FAT1: variants seen among roughly 807,000 people sequenced by gnomAD.
The protein encoded by FAT1 is FAT atypical cadherin 1.
Under a neutral mutation model 329.8 loss-of-function variants are expected in FAT1, and 171 were observed. The observed-to-expected ratio is 0.52, with a 90% CI of 0.46 to 0.59. The LOEUF is 0.59. Ranked by LOEUF, FAT1 falls within the 20% of genes least tolerant of loss-of-function variation. FAT1 has a pLI of 0.00. For missense variants in FAT1, 5,672 were observed against 5,774.4 expected, an observed-to-expected ratio of 0.98 and a Z score of 0.57; for synonymous variants, 2,233 against 2,228.6, an observed-to-expected ratio of 1.00 and a Z score of -0.06.
intron 26 of FAT1, among the ~76,000 whole-genome samples, chr4:186,593,601 C>T (rs935344865): frequency 6.6e-6 from 1 of 152,144 alleles, no homozygotes; most frequent in African/African-American, 2.4e-5. Context: ...TTCCCAGTTA[C>T]GGCTGGGGGG....
intron 14 of FAT1, 73 bp downstream of exon 14, chr4:186,611,313 A>C (rs544039697): frequency 9.0e-5 from 127 of 1,405,072 alleles, no homozygotes; most frequent in Middle Eastern, 2.2e-4. Flanking sequence ...ACTTAATACA[A>C]GGCAACGTGG....
chr4:186,588,740 T>C lies in FAT1; in HGVS notation c.13619A>G (p.Tyr4540Cys), dbSNP rs1056427147. 27 of 1,613,896 alleles carry C rather than the reference T, an allele frequency of 1.7e-5. No homozygotes were observed. Among genetic ancestry groups the C allele is most frequent in the Non-Finnish European group, 2.1e-5 (25 of 1,179,866 alleles). ...PAVESMPMSV[Y>C]ASTASCSDVS... ...GTCAGAGCAGGAGGCGGTGGAGGCG[T>C]ACACAGACATGGGCATGCTCTCGAC... The change falls in exon 27 of 27, where the codon TAC (tyrosine) becomes TGC (cysteine). Residue 4540 changes from tyrosine to cysteine, a missense_variant. Physicochemically the swap from Tyr to Cys is radical, Grantham distance 194. This residue lies in a region of FAT1 where 1,706 missense variants were observed against 1,859.1 expected (regional missense o/e 0.92). Coordinates refer to ENST00000441802, the MANE Select transcript of FAT1 (RefSeq NM_005245.4).
intron 2 of FAT1, among the ~76,000 whole-genome samples, chr4:186,669,487 G>A (rs1375813972): frequency 6.6e-6 from 1 of 152,332 alleles, no homozygotes; most frequent in Admixed American, 6.5e-5. Context: ...ATTACGGAAG[G>A]AATGAAAGCC....
chr4:186,722,659 C>T (rs1745514319), intron 1 of FAT1, among the ~76,000 whole-genome samples: 1 of 152,212 alleles, frequency 6.6e-6, no homozygotes, highest in South Asian at 2.1e-4. Context: ...TGAAAAACAT[C>T]ACCATTACCT....
In FAT1 at chr4:186,603,564, T is replaced by C. The variant is rs932063295; in HGVS notation, c.10962A>G (p.Glu3654=). 15 of 1,613,862 alleles carry C rather than the reference T, an allele frequency of 9.3e-6. No homozygotes were observed. In the African/African-American group the frequency reaches 1.5e-4, roughly 16 times the overall value. ...AGTTGCGCCAGTAGTCACCAACGAA[T>C]TCTTCCGGAGTGAGGTTGGCAAAGC... ...AIRFANLTPE[E]FVGDYWRNFQ... is the part of the protein sequence containing the mutation. The change falls in exon 19 of 27, where the codon GAA becomes GAG. Residue 3654 remains glutamate, a synonymous_variant. Transcript: ENST00000441802.
In FAT1 at chr4:186,636,808, TAGA is replaced by T; in HGVS notation, c.3746_3748del (p.Phe1249del). On this transcript the variant is annotated inframe_deletion, in exon 5 of 27. Coordinates refer to ENST00000441802, the MANE Select transcript of FAT1 (RefSeq NM_005245.4). ...TTCCCGCTCAGGGAGTCTGATTTTG[TAGA>T]ACTTTTGCAGAAACTGAGGTTTGTT... 6.2e-7 allele frequency: 1 copy of T among 1,614,016 alleles called. No homozygotes were observed. The highest frequency in any genetic ancestry group is 8.5e-7 in the Non-Finnish European group (1 of 1,179,888).
chr4:186,708,091 G>A lies in FAT1; in HGVS notation c.1737C>T (p.Pro579=), dbSNP rs774960622. ...TTTGCTCTCCCACGCCTAGATCTCTGGGAATTGTCCCTTCACAATTTATTT... is the reference window on the plus strand; with the variant it reads ...TTTGCTCTCCCACGCCTAGATCTCTAGGAATTGTCCCTTCACAATTTATTT... ...FEKINCEGTI[P]RDLGVGEQIT... Residue 579 remains proline (P), a synonymous_variant, in exon 2 of 27, where the codon CCC becomes CCT. Transcript: ENST00000441802. 6.1e-5 allele frequency: 98 copies of A among 1,613,786 alleles called. No homozygotes were observed. The South Asian group carries it at 1.0e-3, about 17-fold the overall frequency.
intron 3 of FAT1, among the ~76,000 whole-genome samples, chr4:186,651,042 A>ACTATTATTAAATAATTTAT (rs70964974): frequency 0.65 from 95,274 of 147,204 alleles, 31,211 homozygotes; most frequent in East Asian, 0.95. Flanking sequence ...TAATTTATTT[A>ACTATTATTAAATAATTTAT]CTATTATTAA....
chr4:186,707,809 C>T lies in FAT1; in HGVS notation c.2019G>A (p.Gln673=), dbSNP rs1261439243. The T allele has an allele frequency of 3.7e-6, 6 of 1,613,626 alleles. No individual in the cohort carries two copies. Among genetic ancestry groups the T allele is most frequent in the African/African-American group, 1.3e-5 (1 of 74,916 alleles). ...VAASHKLVNL[Q]CEETGVAKML... The stretch of plus-strand genomic sequence containing the variant: ...TTTTGGCAACACCAGTCTCTTCACA[C>T]TGCAAGTTTACCAGCTTGTGACTGG... The change falls in exon 2 of 27, where the codon CAG becomes CAA. Residue 673 remains glutamine (Q), a synonymous_variant. Coordinates refer to ENST00000441802, the MANE Select transcript of FAT1 (RefSeq NM_005245.4).
rs2126508099 is a variant in FAT1, at chr4:186,619,685, A to T, written c.6901T>A (p.Ser2301Thr). 1 of 1,614,012 alleles carries T rather than the reference A, an allele frequency of 6.2e-7. No individual in the cohort carries two copies. Among genetic ancestry groups the T allele is most frequent in the Non-Finnish European group, 8.5e-7 (1 of 1,179,894 alleles). The change falls in exon 10 of 27, where the codon TCT (serine) becomes ACT (threonine). Residue 2301 changes from serine to threonine, a missense_variant. Around this residue, in one of 2 missense-constraint regions of FAT1, gnomAD observed 3,966 missense variants for 3,915.2 expected, o/e 1.01. Coordinates refer to ENST00000441802, the MANE Select transcript of FAT1 (RefSeq NM_005245.4). The part of the protein sequence containing the change: ...TLSEASVIGT[S>T]VVQVRATDSD... The stretch of plus-strand genomic sequence containing the variant: ...TCGGTGGCTCTAACTTGAACAACAG[A>T]CGTTCCAATTACAGATGCCTCAGAC...
Position 186,603,900 on chromosome 4 carries a change from C to T in FAT1, c.10626G>A (p.Pro3542=), listed in dbSNP as rs773450673. ...DIRVIEESIY[P]PAILPLEIFI... The stretch of plus-strand genomic sequence containing the variant: ...AAATCTCCAGGGGCAAAATCGCAGG[C>T]GGATAGATGCTCTCCTCAATTACCC... Residue 3542 remains proline (P), a synonymous_variant, in exon 19 of 27, where the codon CCG becomes CCA. Coordinates refer to ENST00000441802, the MANE Select transcript of FAT1 (RefSeq NM_005245.4). 1.2e-4 allele frequency: 187 copies of T among 1,613,716 alleles called. No homozygotes were observed. Among genetic ancestry groups the T allele is most frequent in the East Asian group, 2.0e-4 (9 of 44,892 alleles).
intron 3 of FAT1, among the ~76,000 whole-genome samples, chr4:186,649,892 C>T (rs895165241): frequency 6.6e-6 from 1 of 152,130 alleles, no homozygotes; most frequent in African/African-American, 2.4e-5. Flanking sequence ...CATACTAATA[C>T]ACCTTTTTAT....
intron 3 of FAT1, among the ~76,000 whole-genome samples, chr4:186,657,361 C>T (rs941540706): frequency 1.3e-5 from 2 of 152,072 alleles, no homozygotes; most frequent in African/African-American, 2.4e-5. Flanking sequence ...AATAAACATG[C>T]GAAGTATAAG....
intron 1 of FAT1, among the ~76,000 whole-genome samples, chr4:186,711,875 G>A (rs911548966): frequency 3.9e-5 from 6 of 152,120 alleles, no homozygotes; most frequent in African/African-American, 9.7e-5. Flanking sequence ...AGCCGAGATC[G>A]CGCCACTGCA....
chr4:186,645,694 C>T (rs1741339702), intron 3 of FAT1, among the ~76,000 whole-genome samples: 1 of 151,148 alleles, frequency 6.6e-6, no homozygotes, highest in Admixed American at 6.6e-5. Context: ...TGGCATAATC[C>T]CAGCACTCTG....
Position 186,619,952 on chromosome 4 carries a change from G to A in FAT1, c.6634C>T (p.Leu2212=), listed in dbSNP as rs2126510801. ...TCTGTGATGCTGTAGAACACTTTCA[G>A]GCCTTCCGGGCTGTTAGCCTGCACG... ...VHVQANSPEG[L]KVFYSITDGD... The change falls in exon 10 of 27, where the codon CTG becomes TTG. Residue 2212 remains leucine, a synonymous_variant. Transcript: ENST00000441802. The A allele has an allele frequency of 6.2e-7, 1 of 1,613,988 alleles. No individual in the cohort carries two copies. The highest frequency in any genetic ancestry group is 8.5e-7 in the Non-Finnish European group (1 of 1,179,894).
At chr4:186,604,053 AC>A in intron 18 of FAT1, 76 bp from the exon 19 acceptor site, 1 of 1,187,910 alleles carries the variant, frequency 8.4e-7, no homozygotes, top group Non-Finnish European at 1.2e-6. Flanking sequence ...CATTTGTATT[AC>A]TCAAGTTCCC....
chr4:186,692,406 G>A (rs566924469), intron 2 of FAT1, among the ~76,000 whole-genome samples: 36 of 152,140 alleles, frequency 2.4e-4, no homozygotes, highest in Non-Finnish European at 7.4e-5. Flanking sequence ...TCCGCCTCCC[G>A]GGTTCACGCC....
At chr4:186,632,224 A>T (rs1241500798) in intron 7 of FAT1, among the ~76,000 whole-genome samples, 2 of 152,224 alleles carry the variant, frequency 1.3e-5, no homozygotes. Context: ...CTAATTAAAA[A>T]TATAATTATT....
Sources: allele counts gnomAD v4.1 joint callset (sites outside exome capture counted in the v4.1 genomes callset), GRCh38; gene constraint gnomAD v4.1.1; regional missense constraint gnomAD v4.1.1; transcripts MANE v1.5; gene names NCBI Gene and HGNC (gene_info 2026-07-23, HGNC 2026-07-21).